NCK1: variants seen among roughly 807,000 people sequenced by gnomAD.
NCK1 encodes NCK adaptor protein 1, also known as SH2/SH3 adapter protein NCK1.
Under a neutral mutation model 36.6 loss-of-function variants are expected in NCK1, and 19 were observed. The ratio of observed to expected loss-of-function variants is 0.52; its 90% CI spans 0.36 to 0.76. The LOEUF is 0.76. Ranked by LOEUF, NCK1 falls within the 30% of genes least tolerant of loss-of-function variation. The probability of loss-of-function intolerance (pLI) is 0.00; values close to 1 mark genes in which losing one functional copy is unlikely to be tolerated. For synonymous variants in NCK1, 165 were observed against 156.0 expected (o/e 1.06, Z -0.43); for missense variants, 358 against 445.6 (o/e 0.80, Z 1.77).
intron 1 of NCK1, among the ~76,000 whole-genome samples, chr3:136,890,252 C>T (rs1939202408): frequency 1.3e-5 from 2 of 152,212 alleles, no homozygotes; most frequent in Admixed American, 6.5e-5. Context: ...TGCTAAGCCC[C>T]CCACTGTCCG....
At chr3:136,883,191 G>A (rs1251107299) in intron 1 of NCK1, among the ~76,000 whole-genome samples, 1 of 152,178 alleles carries the variant, frequency 6.6e-6, no homozygotes, top group Admixed American at 6.5e-5. Context: ...AAAGTGCTGG[G>A]ATTACAGGCA....
chr3:136,865,273 C>T (rs1040886174), intron 1 of NCK1, among the ~76,000 whole-genome samples: 5 of 151,986 alleles, frequency 3.3e-5, no homozygotes, highest in Non-Finnish European at 7.4e-5. Flanking sequence ...TTAGTAGAGA[C>T]GGAGTTTCAC....
intron 1 of NCK1, among the ~76,000 whole-genome samples, chr3:136,891,220 C>T (rs1203135491): frequency 2.0e-5 from 3 of 152,208 alleles, no homozygotes; most frequent in Non-Finnish European, 2.9e-5. Context: ...TTGCAACCTC[C>T]GCCTCCTGGG....
intron 1 of NCK1, among the ~76,000 whole-genome samples, chr3:136,922,911 A>G (rs1940146841): frequency 6.6e-6 from 1 of 152,208 alleles, no homozygotes. Context: ...GAAAATTACA[A>G]ACAACCCATT....
Position 136,945,647 on chromosome 3 carries a change from TG to T in NCK1, c.292del (p.Val98LeufsTer16). 1.9e-6 allele frequency: 3 copies of T among 1,614,146 alleles called. No homozygotes were observed. The highest frequency in any genetic ancestry group is 2.5e-6 in the Non-Finnish European group (3 of 1,179,984). ...CTGCATCTCCTGCTGATGATAGTTTTGTTGACCCAGGGGAACGTCTCTATGA... is the reference window on the plus strand; with the variant it reads ...CTGCATCTCCTGCTGATGATAGTTTTTTGACCCAGGGGAACGTCTCTATGA... ...DSASPADDSF[V>X]DPGERLYDLN... On this transcript the variant is annotated frameshift_variant, in exon 3 of 4. Transcript: ENST00000481752. LOFTEE classifies it high-confidence loss of function.
intron 1 of NCK1, among the ~76,000 whole-genome samples, chr3:136,887,271 G>T (rs1270474731): frequency 6.6e-6 from 1 of 152,152 alleles, no homozygotes; most frequent in Admixed American, 6.5e-5. Context: ...GGCCTCAAAC[G>T]ATCTTCCCAC....
chr3:136,898,257 A>G (rs1250094514), intron 1 of NCK1, among the ~76,000 whole-genome samples: 4 of 151,914 alleles, frequency 2.6e-5, no homozygotes, highest in Admixed American at 6.6e-5. Flanking sequence ...CTAGCTGGGT[A>G]TGGTGGTGAT....
intron 1 of NCK1, among the ~76,000 whole-genome samples, chr3:136,890,142 C>T (rs1939198322): frequency 6.6e-6 from 1 of 152,170 alleles, no homozygotes; most frequent in Admixed American, 6.5e-5. Context: ...AGCCCTGCCC[C>T]ACGGGGAGGC....
intron 1 of NCK1, among the ~76,000 whole-genome samples, chr3:136,908,522 A>G (rs1939744387): frequency 6.6e-6 from 1 of 152,162 alleles, no homozygotes; most frequent in Non-Finnish European, 1.5e-5. Context: ...TCCTTATAAG[A>G]TCATCAGGGC....
chr3:136,927,066 G>C (rs1940261280), intron 1 of NCK1, among the ~76,000 whole-genome samples: 1 of 152,092 alleles, frequency 6.6e-6, no homozygotes, highest in African/African-American at 2.4e-5. Context: ...CCGCCTCCCA[G>C]GTTCAAGGGA....
At chr3:136,919,313 A>G (rs1489704413) in intron 1 of NCK1, among the ~76,000 whole-genome samples, 2 of 152,014 alleles carry the variant, frequency 1.3e-5, no homozygotes, top group Non-Finnish European at 2.9e-5. Context: ...GTCAAATTTT[A>G]TTCACAACAA....
chr3:136,929,435 T>C (rs573956158), intron 2 of NCK1, among the ~76,000 whole-genome samples: 1 of 152,320 alleles, frequency 6.6e-6, no homozygotes, highest in East Asian at 1.9e-4. Context: ...TAAGTAGATA[T>C]AATGTGATGT....
At chr3:136,938,817 G>A (rs1940599914) in intron 2 of NCK1, among the ~76,000 whole-genome samples, 2 of 152,166 alleles carry the variant, frequency 1.3e-5, no homozygotes, top group African/African-American at 4.8e-5. Context: ...TTTCCCTTAG[G>A]AGCTGTGGTT....
At position 136,949,038 on chromosome 3, in the gene NCK1, A is replaced by G. The variant is rs1245064514; in HGVS notation, c.*585A>G. 1 of 152,482 alleles carries G rather than the reference A, an allele frequency of 6.6e-6. No homozygotes were observed. Among genetic ancestry groups the G allele is most frequent in the African/African-American group, 2.4e-5 (1 of 41,444 alleles). The allele number at this position is 152,482 out of a possible 1,614,324, so 9.4% of individuals were successfully genotyped here. On this transcript the variant is annotated 3_prime_UTR_variant, in exon 4 of 4. Coordinates refer to ENST00000481752, the MANE Select transcript of NCK1 (RefSeq NM_001291999.2). The stretch of plus-strand genomic sequence containing the variant: ...ATACATTCATTGTCTTCAGTCATAC[A>G]GCAAGACACATGAGACATAGATTAG...
In NCK1 at chr3:136,945,589, G is replaced by C; in HGVS notation, c.233G>C (p.Gly78Ala). 6.3e-7 allele frequency: 1 copy of C among 1,597,042 alleles called. No homozygotes were observed. The highest frequency in any genetic ancestry group is 8.5e-7 in the Non-Finnish European group (1 of 1,170,228). The change falls in exon 3 of 4, where the codon GGA becomes GCA. Residue 78 changes from glycine (G) to alanine (A), a missense_variant. Transcript: ENST00000481752. ...VKNLKDTLGI[G>A]KVKRKPSVPD... is the part of the protein sequence containing the mutation. The stretch of plus-strand genomic sequence containing the variant: ...CCCTTTTTAATTTCAACAGGCATTG[G>C]AAAAGTGAAAAGAAAACCTAGTGTG...
chr3:136,901,305 G>A (rs567647285), intron 1 of NCK1, among the ~76,000 whole-genome samples: 1 of 150,482 alleles, frequency 6.6e-6, no homozygotes, highest in African/African-American at 2.4e-5. Flanking sequence ...CAGTTTGCCA[G>A]TATTTTGAGA....
At chr3:136,942,526 A>C (rs530025860) in intron 2 of NCK1, among the ~76,000 whole-genome samples, 56 of 152,374 alleles carry the variant, frequency 3.7e-4, no homozygotes, top group Non-Finnish European at 4.1e-4. Context: ...CCATCTTTAC[A>C]GATGGCTTTA....
chr3:136,865,636 C>G (rs1038054742), intron 1 of NCK1, among the ~76,000 whole-genome samples: 4 of 152,034 alleles, frequency 2.6e-5, no homozygotes, highest in Admixed American at 6.6e-5. Flanking sequence ...TTTATCTGCA[C>G]TAGAAAATTA....
chr3:136,930,086 T>A (rs768900211), intron 2 of NCK1, among the ~76,000 whole-genome samples: 5 of 152,188 alleles, frequency 3.3e-5, no homozygotes, highest in Non-Finnish European at 5.9e-5. Context: ...TAAAGAGATA[T>A]AAGTCCAGCT....
Sources: allele counts gnomAD v4.1 joint callset (sites outside exome capture counted in the v4.1 genomes callset), GRCh38; gene constraint gnomAD v4.1.1; transcripts MANE v1.5; gene names NCBI Gene and HGNC (gene_info 2026-07-23, HGNC 2026-07-21).